PDZRN4: variants seen among roughly 807,000 people sequenced by gnomAD.
The protein encoded by PDZRN4 is PDZ domain containing ring finger 4.
Under a neutral mutation model 99.0 loss-of-function variants are expected in PDZRN4, and 70 were observed. The observed-to-expected ratio is 0.71, with a 90% confidence interval of 0.58 to 0.86. The LOEUF (loss-of-function observed/expected upper bound fraction) is 0.86, where lower values mean the gene tolerates loss of function less well. PDZRN4 is among the 40% of genes least tolerant of loss of function. The pLI is 0.00. For missense variants in PDZRN4, 1,474 were observed against 1,331.2 expected (o/e 1.11, Z -1.67); for synonymous variants, 551 against 501.6 (o/e 1.10, Z -1.32).
At chr12:41,484,101 T>C (rs1206385901) in intron 3 of PDZRN4, among the ~76,000 whole-genome samples, 5 of 152,172 alleles carry the variant, frequency 3.3e-5, no homozygotes, top group Non-Finnish European at 5.9e-5. Context: ...TCAACTTGTT[T>C]TTAAATGAAA....
chr12:41,311,451 G>T (rs2120951197), intron 3 of PDZRN4, among the ~76,000 whole-genome samples: 1 of 152,148 alleles, frequency 6.6e-6, no homozygotes, highest in Non-Finnish European at 1.5e-5. Context: ...AGTTCAGGTG[G>T]GCCTGAATAT....
chr12:41,396,418 G>GTTGTTA (rs1445707536), intron 3 of PDZRN4, among the ~76,000 whole-genome samples: 16 of 152,188 alleles, frequency 1.1e-4, no homozygotes, highest in East Asian at 1.9e-4. Flanking sequence ...TGTTGTTGTT[G>GTTGTTA]TTGTTATTGT....
intron 3 of PDZRN4, among the ~76,000 whole-genome samples, chr12:41,243,309 T>C (rs1319037375): frequency 1.3e-5 from 2 of 152,210 alleles, no homozygotes; most frequent in Non-Finnish European, 1.5e-5. Context: ...TTGGATTTGT[T>C]TTAATTTTTA....
chr12:41,250,155 A>G (rs1037001988), intron 3 of PDZRN4, among the ~76,000 whole-genome samples: 1 of 152,170 alleles, frequency 6.6e-6, no homozygotes, highest in African/African-American at 2.4e-5. Context: ...GTGTCTTCTG[A>G]CCACTCCAGA....
chr12:41,552,855 G>A, intron 6 of PDZRN4, 101 bp downstream of exon 6: 1 of 866,312 alleles, frequency 1.2e-6, no homozygotes, highest in East Asian at 2.6e-5. Context: ...GCTTGAATGT[G>A]AAGAATTGGA....
intron 3 of PDZRN4, among the ~76,000 whole-genome samples, chr12:41,321,957 A>G (rs192386161): frequency 1.6e-3 from 249 of 152,310 alleles, no homozygotes; most frequent in African/African-American, 5.7e-3. Context: ...CAGAAAGCAT[A>G]TTAGAAATTA....
intron 9 of PDZRN4, among the ~76,000 whole-genome samples, chr12:41,570,453 A>G (rs1429752098): frequency 6.6e-6 from 1 of 152,230 alleles, no homozygotes; most frequent in Non-Finnish European, 1.5e-5. Flanking sequence ...AAAATAAAAT[A>G]CCTACCCATA....
At position 41,514,596 on chromosome 12, in the gene PDZRN4, T is replaced by C. The variant is rs1238449534; in HGVS notation, c.1203+4683T>C. ...GCAGCTTTATCTGCCTTGCTTATCA[T>C]TGTATCACATGGTCTGTTTCACAGT... On this transcript the variant is annotated intron_variant, in intron 5 of 9. Coordinates refer to ENST00000402685, the MANE Select transcript of PDZRN4 (RefSeq NM_001164595.2). Among the ~76,000 whole-genome samples the C allele has an allele frequency of 3.3e-5, 5 of 152,084 alleles. No individual in the cohort carries two copies. The East Asian group carries it at 9.7e-4, about 29-fold the overall frequency.
At chr12:41,505,873 G>C (rs1401645074) in intron 3 of PDZRN4, among the ~76,000 whole-genome samples, 2 of 152,062 alleles carry the variant, frequency 1.3e-5, no homozygotes, top group Non-Finnish European at 2.9e-5. Context: ...GTCCAGGGTG[G>C]TGCCAGGGAT....
At chr12:41,264,807 C>A (rs1362565120) in intron 3 of PDZRN4, among the ~76,000 whole-genome samples, 1 of 152,106 alleles carries the variant, frequency 6.6e-6, no homozygotes, top group Admixed American at 6.5e-5. Flanking sequence ...TTTGAAGCAA[C>A]CTGGATGCAG....
chr12:41,205,421 C>T (rs1950842250), intron 3 of PDZRN4, among the ~76,000 whole-genome samples: 1 of 151,938 alleles, frequency 6.6e-6, no homozygotes, highest in Non-Finnish European at 1.5e-5. Flanking sequence ...CAATGAGGTC[C>T]TGCCTCCTCT....
At chr12:41,354,800 A>G (rs1346188329) in intron 3 of PDZRN4, among the ~76,000 whole-genome samples, 1 of 152,110 alleles carries the variant, frequency 6.6e-6, no homozygotes, top group Non-Finnish European at 1.5e-5. Flanking sequence ...GGTATGGCTC[A>G]TACAGGACAC....
intron 3 of PDZRN4, among the ~76,000 whole-genome samples, chr12:41,320,129 G>T (rs1301139092): frequency 6.6e-6 from 1 of 152,200 alleles, no homozygotes; most frequent in East Asian, 1.9e-4. Context: ...CCACCTAGGG[G>T]CTGAGGTAGC....
chr12:41,559,601 C>T (rs529710799), intron 7 of PDZRN4, among the ~76,000 whole-genome samples: 1 of 152,238 alleles, frequency 6.6e-6, no homozygotes, highest in Admixed American at 6.5e-5. Flanking sequence ...AACTCAATAA[C>T]GTTCCTAAGG....
At chr12:41,480,628 TATTA>T (rs1937657855) in intron 3 of PDZRN4, among the ~76,000 whole-genome samples, 1 of 152,172 alleles carries the variant, frequency 6.6e-6, no homozygotes, top group Non-Finnish European at 1.5e-5. Flanking sequence ...TCAACATTGC[TATTA>T]ATTTTTTCCC....
intron 3 of PDZRN4, among the ~76,000 whole-genome samples, chr12:41,331,972 A>G (rs1365698853): frequency 6.6e-6 from 1 of 152,148 alleles, no homozygotes; most frequent in Non-Finnish European, 1.5e-5. Context: ...TAGGAAATGA[A>G]CAAAAATAAT....
rs1939514375 is a variant in PDZRN4 at position 41,573,152 on chromosome 12, C to A, written c.2373C>A (p.Thr791=). 6.2e-7 allele frequency: 1 copy of A among 1,614,096 alleles called. No individual in the cohort carries two copies. The highest frequency in any genetic ancestry group is 8.5e-7 in the Non-Finnish European group (1 of 1,180,016). The part of the protein sequence containing the change: ...SSSGQSSKES[T]STKAKTTEQG... ...CCGGACAGAGCAGTAAAGAGTCGACCTCCACCAAAGCCAAAACCACTGAGC... is the reference window on the plus strand; with the variant it reads ...CCGGACAGAGCAGTAAAGAGTCGACATCCACCAAAGCCAAAACCACTGAGC... The change falls in exon 10 of 10, where the codon ACC becomes ACA. Residue 791 remains threonine, a synonymous_variant. Transcript: ENST00000402685.
intron 3 of PDZRN4, among the ~76,000 whole-genome samples, chr12:41,496,223 A>G (rs1171574451): frequency 1.3e-5 from 2 of 152,084 alleles, no homozygotes; most frequent in African/African-American, 4.8e-5. Context: ...GCGAACTAGT[A>G]TTACTGTCAT....
At chr12:41,211,997 T>G (rs543808218) in intron 3 of PDZRN4, among the ~76,000 whole-genome samples, 1 of 152,074 alleles carries the variant, frequency 6.6e-6, no homozygotes, top group Admixed American at 6.6e-5. Flanking sequence ...CTTTGCATAT[T>G]TTATTTTATA....
Sources: allele counts gnomAD v4.1 joint callset (sites outside exome capture counted in the v4.1 genomes callset), GRCh38; gene constraint gnomAD v4.1.1; transcripts MANE v1.5; gene names NCBI Gene and HGNC (gene_info 2026-07-23, HGNC 2026-07-21).